Variants in AKAP6 observed in about 807,000 individuals in gnomAD.
AKAP6 encodes A-kinase anchoring protein 6.
AKAP6 carries 58 observed loss-of-function variants against 188.5 expected under a neutral mutation model. That is an observed-to-expected ratio of 0.31 (90% CI 0.25 to 0.38). The LOEUF is 0.38. AKAP6 is among the 10% of genes least tolerant of loss of function. The pLI is 1.00. For missense variants in AKAP6, 2,710 were observed against 2,740.0 expected (o/e 0.99, Z 0.24); for synonymous variants, 989 against 998.6 (o/e 0.99, Z 0.18).
At chr14:32,466,168 G>C (rs1334186838) in intron 2 of AKAP6, among the ~76,000 whole-genome samples, 72 of 152,184 alleles carry the variant, frequency 4.7e-4, no homozygotes, top group Non-Finnish European at 4.4e-5. Context: ...GACAGTGTGG[G>C]GATTCCTCAA....
chr14:32,626,101 C>T (rs1392302109), intron 7 of AKAP6, among the ~76,000 whole-genome samples: 2 of 152,126 alleles, frequency 1.3e-5, no homozygotes, highest in African/African-American at 2.4e-5. Flanking sequence ...TTCATACCCA[C>T]TGGTTGGTTA....
chr14:32,623,436 C>G (rs181156928), intron 7 of AKAP6, among the ~76,000 whole-genome samples: 4 of 152,178 alleles, frequency 2.6e-5, no homozygotes, highest in South Asian at 2.1e-4. Flanking sequence ...CCTGCTTATC[C>G]CTTTTCACTT....
At position 32,735,746 on chromosome 14, in the gene AKAP6, T is replaced by C. The variant is rs201928179; in HGVS notation, c.3236T>C (p.Leu1079Pro). Reference protein sequence around the residue: ...RDLLSPESGSLVRQLEVRIKE... With the variant: ...RDLLSPESGSPVRQLEVRIKE... ...CTGCTCTCTCCTGAAAGTGGAAGCC[T>C]GGTAAGGCAGCTGGAGGTCAGGATC... Residue 1079 changes from leucine to proline, a missense_variant, in exon 11 of 14, where the codon CTG (leucine) becomes CCG (proline). Coordinates refer to ENST00000280979, the MANE Select transcript of AKAP6 (RefSeq NM_004274.5). The C allele has an allele frequency of 3.3e-5, 53 of 1,613,488 alleles. No homozygotes were observed. In the Admixed American group the frequency reaches 4.7e-4, roughly 14 times the overall value.
intron 1 of AKAP6, among the ~76,000 whole-genome samples, chr14:32,335,466 T>C (rs1283069159): frequency 6.6e-6 from 1 of 152,114 alleles, no homozygotes; most frequent in African/African-American, 2.4e-5. Context: ...AAATAGAAAT[T>C]GTAGTGCTTA....
At chr14:32,606,999 T>C (rs1713675732) in intron 7 of AKAP6, among the ~76,000 whole-genome samples, 1 of 152,142 alleles carries the variant, frequency 6.6e-6, no homozygotes. Context: ...AGTGTTAGCA[T>C]GTGTTTTTGT....
intron 1 of AKAP6, among the ~76,000 whole-genome samples, chr14:32,331,707 A>G (rs1342422104): frequency 1.3e-5 from 2 of 151,914 alleles, no homozygotes; most frequent in East Asian, 3.9e-4. Flanking sequence ...GTGTGTGTGT[A>G]TAGGGGAAGG....
At chr14:32,476,451 A>G (rs1242395758) in intron 2 of AKAP6, among the ~76,000 whole-genome samples, 1 of 152,194 alleles carries the variant, frequency 6.6e-6, no homozygotes, top group Non-Finnish European at 1.5e-5. Flanking sequence ...AGGATCTGGA[A>G]GAGGTTTAAG....
chr14:32,454,249 G>A (rs1430795299), intron 2 of AKAP6, among the ~76,000 whole-genome samples: 2 of 152,154 alleles, frequency 1.3e-5, no homozygotes, highest in Admixed American at 1.3e-4. Flanking sequence ...TCTGATAGAA[G>A]CTAGCAATAA....
rs566371558 is a variant in AKAP6, at chr14:32,635,573, T to C, written c.2730+34781T>C. 1.6e-4 allele frequency among the ~76,000 whole-genome samples: 25 copies of C among 152,218 alleles called. No individual in the cohort carries two copies. In the East Asian group the frequency reaches 4.6e-3, roughly 28 times the overall value. On this transcript the variant is annotated intron_variant, in intron 7 of 13. Transcript: ENST00000280979. The stretch of plus-strand genomic sequence containing the variant: ...AAGCTGTCCTAGAGCTGGGAGCTAC[T>C]GTTGTAGCTAGATTAGATTAATGAA...
chr14:32,593,040 A>ACT (rs1397148201), intron 5 of AKAP6, among the ~76,000 whole-genome samples: 1 of 151,470 alleles, frequency 6.6e-6, no homozygotes, highest in African/African-American at 2.4e-5. Context: ...ACACACACAC[A>ACT]CACACACACA....
intron 4 of AKAP6, among the ~76,000 whole-genome samples, chr14:32,569,770 T>A (rs929701348): frequency 2.6e-5 from 4 of 152,214 alleles, no homozygotes; most frequent in Non-Finnish European, 5.9e-5. Context: ...TAATTTTACT[T>A]ACCTTATTTA....
chr14:32,827,241 TTC>T (rs2034696571), intron 13 of AKAP6, among the ~76,000 whole-genome samples: 1 of 152,126 alleles, frequency 6.6e-6, no homozygotes, highest in African/African-American at 2.4e-5. Flanking sequence ...TTACTACAAG[TTC>T]AGAAAAAGAA....
intron 1 of AKAP6, among the ~76,000 whole-genome samples, chr14:32,407,960 T>C (rs1272594524): frequency 6.6e-6 from 1 of 152,168 alleles, no homozygotes; most frequent in African/African-American, 2.4e-5. Context: ...CTGCAGATGG[T>C]GTTTATTGCC....
At chr14:32,601,959 G>C (rs886817106) in intron 7 of AKAP6, among the ~76,000 whole-genome samples, 1 of 152,164 alleles carries the variant, frequency 6.6e-6, no homozygotes, top group Non-Finnish European at 1.5e-5. Flanking sequence ...GATGAGCTCA[G>C]TTTCACTTAA....
intron 12 of AKAP6, among the ~76,000 whole-genome samples, chr14:32,815,978 G>GT (rs1429849190): frequency 4.6e-5 from 7 of 152,252 alleles, no homozygotes; most frequent in African/African-American, 1.7e-4. Flanking sequence ...ACCCAAACCT[G>GT]TATGAGTACC....
chr14:32,664,858 G>T lies in AKAP6; in HGVS notation c.2731-13453G>T, dbSNP rs148779208. Among the ~76,000 whole-genome samples the T allele has an allele frequency of 1.5e-3, 224 of 152,134 alleles. 2 individuals carry two copies. Among genetic ancestry groups the T allele is most frequent in the South Asian group, 6.0e-3 (29 of 4,812 alleles). On this transcript the variant is annotated intron_variant, in intron 7 of 13. Coordinates refer to ENST00000280979, the MANE Select transcript of AKAP6 (RefSeq NM_004274.5). ...ATGAGTCTCAGGCATAGATAAGAGA[G>T]GTAAACACTCAAGACTTGGAGGTAC...
intron 11 of AKAP6, among the ~76,000 whole-genome samples, chr14:32,766,527 T>C (rs2032725215): frequency 6.6e-6 from 1 of 152,186 alleles, no homozygotes; most frequent in Non-Finnish European, 1.5e-5. Flanking sequence ...TTATTTCCTT[T>C]TTAGCCATCC....
chr14:32,795,969 G>A (rs2033756857), intron 12 of AKAP6, among the ~76,000 whole-genome samples: 1 of 152,166 alleles, frequency 6.6e-6, no homozygotes, highest in African/African-American at 2.4e-5. Context: ...AAAATTGCTA[G>A]CATTTCTATA....
At chr14:32,599,279 A>C in intron 5 of AKAP6, 131 bp from the exon 6 acceptor site, 1 of 658,570 alleles carries the variant, frequency 1.5e-6, no homozygotes, top group Non-Finnish European at 2.6e-6. Flanking sequence ...AGCTTTTAGT[A>C]TTGCAAATTA....
Sources: allele counts gnomAD v4.1 joint callset (sites outside exome capture counted in the v4.1 genomes callset), GRCh38; gene constraint gnomAD v4.1.1; transcripts MANE v1.5; gene names NCBI Gene and HGNC (gene_info 2026-07-23, HGNC 2026-07-21).